The following FBXW8 variants were observed in gnomAD, a reference collection of about 807,000 sequenced individuals.
FBXW8 encodes the protein F-box and WD repeat domain containing 8, also known as F-box/WD repeat-containing protein 8.
Under a neutral mutation model 65.3 loss-of-function variants are expected in FBXW8, and 57 were observed. That is an observed-to-expected ratio of 0.87 (90% CI 0.71 to 1.09). The LOEUF (loss-of-function observed/expected upper bound fraction) is 1.09, where lower values mean the gene tolerates loss of function less well. Among genes scored for constraint, FBXW8 ranks in the 50% least tolerant of loss-of-function variants. The probability of loss-of-function intolerance (pLI) is 0.00; values close to 1 mark genes in which losing one functional copy is unlikely to be tolerated. For synonymous variants in FBXW8, 308 were observed against 330.2 expected, an observed-to-expected ratio of 0.93 and a Z score of 0.73; for missense variants, 777 against 814.8, an observed-to-expected ratio of 0.95 and a Z score of 0.57.
chr12:116,939,108 G>C (rs539959689), intron 2 of FBXW8, among the ~76,000 whole-genome samples: 1 of 152,214 alleles, frequency 6.6e-6, no homozygotes, highest in African/African-American at 2.4e-5. Context: ...GGGCTTTTGA[G>C]ATACTCGTTG....
intron 7 of FBXW8, among the ~76,000 whole-genome samples, chr12:117,002,092 G>T (rs1189019793): frequency 6.6e-6 from 1 of 152,172 alleles, no homozygotes; most frequent in Non-Finnish European, 1.5e-5. Flanking sequence ...TGTTGGTTTG[G>T]CCTCACTCCG....
At position 116,964,805 on chromosome 12, in the gene FBXW8, C is replaced by G; in HGVS notation, c.786C>G (p.Val262=). Residue 262 remains valine, a synonymous_variant, in exon 5 of 11, where the codon GTC becomes GTG. Transcript: ENST00000652555. ...ATGAGCCTGGAATGCAGCCAAATGT[C>G]TCCTTTGTGAGGATAAACAGCTCGT... ...EEDEPGMQPN[V]SFVRINSSLA... The G allele has an allele frequency of 6.2e-7, 1 of 1,613,138 alleles. No individual in the cohort carries two copies. Among genetic ancestry groups the G allele is most frequent in the South Asian group, 1.1e-5 (1 of 90,998 alleles).
At chr12:116,956,078 T>C (rs1339238479) in intron 4 of FBXW8, among the ~76,000 whole-genome samples, 1 of 152,224 alleles carries the variant, frequency 6.6e-6, no homozygotes, top group African/African-American at 2.4e-5. Flanking sequence ...AACACACTTT[T>C]CTATTCATAT....
intron 2 of FBXW8, among the ~76,000 whole-genome samples, chr12:116,939,232 A>G (rs1377862022): frequency 6.6e-6 from 1 of 152,226 alleles, no homozygotes; most frequent in Non-Finnish European, 1.5e-5. Flanking sequence ...AAACTTTTTC[A>G]GTGCTCATTG....
At position 117,028,589 on chromosome 12, in the gene FBXW8, G is replaced by A. The variant is rs149222502; in HGVS notation, c.*417G>A. On this transcript the variant is annotated 3_prime_UTR_variant, in exon 11 of 11. Transcript: ENST00000652555. The surrounding 1 kb of genome is among the most constrained non-coding windows in gnomAD (Gnocchi z 4.1). ...TTTTCCTCCGAGGGCCTTTGGATGT[G>A]CTTGTTCCTGGCCTCCAAGGCAATA... The A allele has an allele frequency of 5.3e-4, 93 of 174,316 alleles. No homozygotes were observed. Among genetic ancestry groups the A allele is most frequent in the African/African-American group, 2.1e-3 (90 of 42,810 alleles). 10.8% of individuals were successfully genotyped at this position (174,316 alleles called of 1,614,324 possible). A position where few individuals can be genotyped will look rare whatever the true frequency, so the allele number is the denominator to read the frequency against.
intron 2 of FBXW8, among the ~76,000 whole-genome samples, chr12:116,931,981 C>T (rs1881803964): frequency 6.6e-6 from 1 of 152,080 alleles, no homozygotes; most frequent in South Asian, 2.1e-4. Context: ...TTGGTTTTGT[C>T]ACATGTGGCC....
intron 2 of FBXW8, among the ~76,000 whole-genome samples, chr12:116,930,553 A>T (rs144478244): frequency 6.6e-6 from 1 of 152,142 alleles, no homozygotes; most frequent in East Asian, 1.9e-4. Context: ...TTAACTGCTT[A>T]TGAGATATAT....
At chr12:117,021,844 A>G (rs1019640178) in intron 8 of FBXW8, among the ~76,000 whole-genome samples, 4 of 152,198 alleles carry the variant, frequency 2.6e-5, no homozygotes, top group Non-Finnish European at 4.4e-5. Context: ...CTGTTTCTAA[A>G]GACCACATCT....
intron 4 of FBXW8, among the ~76,000 whole-genome samples, chr12:116,958,883 A>T (rs1025253539): frequency 6.6e-6 from 1 of 152,214 alleles, no homozygotes; most frequent in Admixed American, 6.5e-5. Flanking sequence ...CAGCTTCAGA[A>T]TCCTTCTCAA....
chr12:117,001,941 G>A (rs956043317), intron 7 of FBXW8, among the ~76,000 whole-genome samples: 1 of 152,224 alleles, frequency 6.6e-6, no homozygotes, highest in African/African-American at 2.4e-5. Flanking sequence ...CACAAAGTAG[G>A]CCTGGCCTTC....
intron 5 of FBXW8, 54 bp from the exon 6 acceptor site, chr12:116,985,152 T>C (rs777747171): frequency 5.5e-6 from 8 of 1,463,940 alleles, no homozygotes; most frequent in Non-Finnish European, 7.3e-6. Flanking sequence ...TTAAAATAAT[T>C]GAACATATTA....
intron 8 of FBXW8, among the ~76,000 whole-genome samples, chr12:117,013,853 A>C (rs1018347400): frequency 1.3e-5 from 2 of 152,016 alleles, no homozygotes; most frequent in African/African-American, 4.8e-5. Flanking sequence ...GGCATTTATG[A>C]GAAGCTTGAA....
intron 7 of FBXW8, among the ~76,000 whole-genome samples, chr12:117,009,208 C>A (rs1042313859): frequency 2.6e-5 from 4 of 152,134 alleles, no homozygotes; most frequent in African/African-American, 9.7e-5. Flanking sequence ...CGCTTCTCTA[C>A]TTAAAAAATT....
Position 116,964,793 on chromosome 12 carries a change from G to A in FBXW8, c.774G>A (p.Met258Ile), listed in dbSNP as rs150595593. ...AGGACGAGGAGGATGAGCCTGGAAT[G>A]CAGCCAAATGTCTCCTTTGTGAGGA... ...ESEDEEDEPG[M>I]QPNVSFVRIN... The change falls in exon 5 of 11, where the codon ATG (methionine) becomes ATA (isoleucine). Residue 258 changes from methionine (M) to isoleucine (I), a missense_variant. Physicochemically the swap from Met to Ile is conservative, Grantham distance 10. Transcript: ENST00000652555. 4.3e-5 allele frequency: 69 copies of A among 1,613,292 alleles called. No homozygotes were observed. The highest frequency in any genetic ancestry group is 9.3e-5 in the African/African-American group (7 of 75,000).
chr12:117,021,266 C>T (rs1258038779), intron 8 of FBXW8, among the ~76,000 whole-genome samples: 1 of 152,174 alleles, frequency 6.6e-6, no homozygotes, highest in Non-Finnish European at 1.5e-5. Flanking sequence ...TAGTATTTTT[C>T]TGTGAATTGC....
At chr12:117,020,068 T>C (rs772434070) in intron 8 of FBXW8, among the ~76,000 whole-genome samples, 2 of 152,172 alleles carry the variant, frequency 1.3e-5, no homozygotes, top group Non-Finnish European at 2.9e-5. Context: ...CCTAAATGCA[T>C]GTCCCCCAGC....
At chr12:117,016,304 C>T (rs981857327) in intron 8 of FBXW8, among the ~76,000 whole-genome samples, 2 of 152,204 alleles carry the variant, frequency 1.3e-5, no homozygotes, top group Non-Finnish European at 2.9e-5. Flanking sequence ...GTTGTAGTTT[C>T]TCCACCTCCT....
intron 9 of FBXW8, among the ~76,000 whole-genome samples, chr12:117,025,907 C>T (rs1459711139): frequency 6.6e-6 from 1 of 152,222 alleles, no homozygotes; most frequent in African/African-American, 2.4e-5. Context: ...TGAAGCCTAG[C>T]TAAGGAAGGC....
rs986269844 is a variant in FBXW8, at chr12:117,024,393, A to G, written c.1541+73A>G. On this transcript the variant is annotated intron_variant, in intron 9 of 10. Coordinates refer to ENST00000652555, the MANE Select transcript of FBXW8 (RefSeq NM_153348.3). Reference sequence around the variant, plus strand: ...AAGGCAGCACTAATCAGCCTGCACCAGGCACGGTGCTAAATGCCCCCTACC... The same window carrying G: ...AAGGCAGCACTAATCAGCCTGCACCGGGCACGGTGCTAAATGCCCCCTACC... 18 of 1,561,074 alleles carry G rather than the reference A, an allele frequency of 1.2e-5. No individual in the cohort carries two copies. In the African/African-American group the frequency reaches 1.6e-4, roughly 14 times the overall value.
Sources: gnomAD v4.1 joint callset for allele counts (sites outside exome capture counted in the v4.1 genomes callset) on GRCh38, gnomAD v4.1.1 for gene constraint, Gnocchi (gnomAD v3.1) non-coding constraint, MANE v1.5 for transcripts, NCBI Gene and HGNC (gene_info 2026-07-23, HGNC 2026-07-21) for gene names.